The following CTNNA2 variants were observed in gnomAD, a reference collection of about 807,000 sequenced individuals.
CTNNA2 encodes the protein catenin alpha 2, also known as catenin alpha-2.
In CTNNA2, 42 loss-of-function variants were observed where a neutral mutation model predicts 101.0. The ratio of observed to expected loss-of-function variants is 0.42; its 90% CI spans 0.32 to 0.54. The LOEUF (loss-of-function observed/expected upper bound fraction) is 0.54, where lower values mean the gene tolerates loss of function less well. Among genes scored for constraint, CTNNA2 ranks in the 20% least tolerant of loss-of-function variants. The probability of loss-of-function intolerance (pLI) is 0.14; values close to 1 mark genes in which losing one functional copy is unlikely to be tolerated. For synonymous variants in CTNNA2, 450 were observed against 456.4 expected (o/e 0.99, Z 0.18); for missense variants, 871 against 1,223.1 (o/e 0.71, Z 4.29).
At chr2:79,911,057 C>A (rs181138742) in intron 7 of CTNNA2, among the ~76,000 whole-genome samples, 174 of 152,286 alleles carry the variant, frequency 1.1e-3, no homozygotes, top group Non-Finnish European at 2.1e-3. Flanking sequence ...TCATGTGGCA[C>A]CCAGCTGCTT....
At chr2:79,223,207 C>T (rs1373141400) in intron 2 of CTNNA2, among the ~76,000 whole-genome samples, 1 of 152,046 alleles carries the variant, frequency 6.6e-6, no homozygotes, top group East Asian at 1.9e-4. Flanking sequence ...AGCTCTCTGT[C>T]TACTATATTA....
chr2:79,847,887 G>T (rs975737165), intron 3 of CTNNA2, among the ~76,000 whole-genome samples: 13 of 152,116 alleles, frequency 8.5e-5, no homozygotes, highest in African/African-American at 3.1e-4. Flanking sequence ...GTCCAATCTA[G>T]ATGGAAGTTG....
At chr2:79,187,955 T>C (rs11692607) in intron 1 of CTNNA2, among the ~76,000 whole-genome samples, 1 of 151,956 alleles carries the variant, frequency 6.6e-6, no homozygotes, top group African/African-American at 2.4e-5. Context: ...GTTCTTCAAC[T>C]AGCCTCAGAC....
intron 3 of CTNNA2, among the ~76,000 whole-genome samples, chr2:79,338,338 T>A (rs116712433): frequency 0.024 from 3,643 of 151,680 alleles, 62 homozygotes; most frequent in Non-Finnish European, 0.036. Context: ...GGAAGAGAAT[T>A]TGAGGCAGAA....
In CTNNA2 at chr2:80,067,533, G is replaced by T. The variant is rs114194949; in HGVS notation, c.1056+157736G>T. On this transcript the variant is annotated intron_variant, in intron 7 of 18. Transcript: ENST00000402739. ...TACAGAATTTCAAATGTGGATTGCC[G>T]TAATGTTGTTTAAGGAAAATTATTT... Among the ~76,000 whole-genome samples the T allele has an allele frequency of 3.6e-3, 551 of 152,182 alleles. 4 individuals are homozygous for T. The highest frequency in any genetic ancestry group is 0.012 in the African/African-American group (512 of 41,528).
At chr2:79,441,126 G>GC (rs1287391991) in intron 4 of CTNNA2, among the ~76,000 whole-genome samples, 1 of 152,094 alleles carries the variant, frequency 6.6e-6, no homozygotes, top group Non-Finnish European at 1.5e-5. Flanking sequence ...CACTTCCTTA[G>GC]CAACTGCTTT....
At chr2:79,282,153 G>A (rs1429462129) in intron 2 of CTNNA2, among the ~76,000 whole-genome samples, 4 of 152,060 alleles carry the variant, frequency 2.6e-5, no homozygotes, top group African/African-American at 9.7e-5. Flanking sequence ...GGTTGAGAAA[G>A]CTTAAGCCAC....
chr2:79,435,237 G>C (rs1678700838), intron 4 of CTNNA2, among the ~76,000 whole-genome samples: 1 of 152,118 alleles, frequency 6.6e-6, no homozygotes, highest in Admixed American at 6.5e-5. Flanking sequence ...ACAGATCCCA[G>C]ATTGCATTCC....
chr2:80,444,221 A>C (rs568891953), intron 9 of CTNNA2, among the ~76,000 whole-genome samples: 2 of 152,330 alleles, frequency 1.3e-5, no homozygotes, highest in East Asian at 3.9e-4. Context: ...GATCAAGGGC[A>C]ATAAGGATGG....
At chr2:79,561,377 C>T (rs927757088) in intron 1 of CTNNA2, among the ~76,000 whole-genome samples, 1 of 151,928 alleles carries the variant, frequency 6.6e-6, no homozygotes, top group Admixed American at 6.6e-5. Context: ...AATAATGCTA[C>T]TATGAGCATT....
At position 80,387,039 on chromosome 2, in the gene CTNNA2, C is replaced by T. The variant is rs1448530479; in HGVS notation, c.1057-6172C>T. On this transcript the variant is annotated intron_variant, in intron 7 of 18. Coordinates refer to ENST00000402739, the MANE Select transcript of CTNNA2 (RefSeq NM_001282597.3). ...TGGGAACAGCCTTTAAAGAAATACT[C>T]ATTTTCTGGGAGGCCAAGGTGGGTG... 5.3e-5 allele frequency among the ~76,000 whole-genome samples: 8 copies of T among 152,102 alleles called. No homozygotes were observed. The East Asian group carries it at 1.4e-3, about 26-fold the overall frequency.
chr2:80,391,996 A>C (rs1303017007), intron 7 of CTNNA2, among the ~76,000 whole-genome samples: 3 of 152,184 alleles, frequency 2.0e-5, no homozygotes, highest in Non-Finnish European at 2.9e-5. Context: ...TGTGCATCAG[A>C]CATTTGTTCA....
chr2:79,831,572 C>A (rs1213516169), intron 3 of CTNNA2, among the ~76,000 whole-genome samples: 2 of 152,116 alleles, frequency 1.3e-5, no homozygotes, highest in Non-Finnish European at 2.9e-5. Flanking sequence ...ACTCCAAAAT[C>A]ATATCAGGAA....
In CTNNA2 at chr2:79,870,722, A is replaced by C. The variant is rs116349233; in HGVS notation, c.585+787A>C. On this transcript the variant is annotated intron_variant, in intron 5 of 18. Coordinates refer to ENST00000402739, the MANE Select transcript of CTNNA2 (RefSeq NM_001282597.3). ...GGAAGGGGAAGTAGGCGCCTTCTTC[A>C]CAAGGTGGCAGGAGAGAGTGAGCAA... Among the ~76,000 whole-genome samples the C allele has an allele frequency of 2.8e-3, 431 of 152,296 alleles. 2 individuals are homozygous for C. The highest frequency in any genetic ancestry group is 9.1e-3 in the African/African-American group (377 of 41,568).
chr2:80,266,642 A>G (rs1268521765), intron 7 of CTNNA2, among the ~76,000 whole-genome samples: 3 of 152,232 alleles, frequency 2.0e-5, no homozygotes, highest in Non-Finnish European at 2.9e-5. Flanking sequence ...ATAAAGAGTA[A>G]TTGATGTGCA....
intron 7 of CTNNA2, among the ~76,000 whole-genome samples, chr2:80,240,057 G>A (rs376761159): frequency 2.0e-5 from 3 of 152,198 alleles, no homozygotes; most frequent in African/African-American, 7.2e-5. Context: ...ACTCTGGAAA[G>A]TGAAAGCGTG....
At position 79,717,825 on chromosome 2, in the gene CTNNA2, G is replaced by C. The variant is rs372725682; in HGVS notation, c.103-26562G>C. ...CTGTATGGGACATAGTTGTGTCAAA[G>C]CATGGAGAGAGTGAATGCTGCTTCA... On this transcript the variant is annotated intron_variant, in intron 2 of 18. Coordinates refer to ENST00000402739, the MANE Select transcript of CTNNA2 (RefSeq NM_001282597.3). Among the ~76,000 whole-genome samples, 43 of 152,298 alleles carry C rather than the reference G, an allele frequency of 2.8e-4. No individual in the cohort carries two copies. The South Asian group carries it at 8.7e-3, about 31-fold the overall frequency.
At chr2:79,448,053 G>T (rs1024091190) in intron 4 of CTNNA2, among the ~76,000 whole-genome samples, 3 of 151,996 alleles carry the variant, frequency 2.0e-5, no homozygotes, top group African/African-American at 4.8e-5. Flanking sequence ...GAAATAGTAG[G>T]CTAGGAGTGT....
At position 80,095,379 on chromosome 2, in the gene CTNNA2, T is replaced by C. The variant is rs539296798; in HGVS notation, c.1056+185582T>C. Among the ~76,000 whole-genome samples, 197 of 152,372 alleles carry C rather than the reference T, an allele frequency of 1.3e-3. 1 individual carries two copies. The highest frequency in any genetic ancestry group is 4.3e-3 in the African/African-American group (178 of 41,596). On this transcript the variant is annotated intron_variant, in intron 7 of 18. Coordinates refer to ENST00000402739, the MANE Select transcript of CTNNA2 (RefSeq NM_001282597.3). ...CACTTGATCATGGTGGATAAGCTTT[T>C]TGATGTGCTGCTGGATTCAGTTTGC...
Sources: allele counts gnomAD v4.1 joint callset (sites outside exome capture counted in the v4.1 genomes callset), GRCh38; gene constraint gnomAD v4.1.1; transcripts MANE v1.5; gene names NCBI Gene and HGNC (gene_info 2026-07-23, HGNC 2026-07-21).